Variants in RNF130 observed in about 807,000 individuals in gnomAD.
RNF130 encodes the protein E3 ubiquitin-protein ligase RNF130.
In RNF130, 21 loss-of-function variants were observed where a neutral mutation model predicts 44.6. The ratio of observed to expected loss-of-function variants is 0.47; its 90% CI spans 0.33 to 0.68. RNF130 has a LOEUF of 0.68. RNF130 is among the 30% of genes least tolerant of loss of function. The probability of loss-of-function intolerance (pLI) is 0.02; values close to 1 mark genes in which losing one functional copy is unlikely to be tolerated. For missense variants in RNF130, 479 were observed against 560.6 expected, an observed-to-expected ratio of 0.85 and a Z score of 1.47; for synonymous variants, 214 against 210.4, an observed-to-expected ratio of 1.02 and a Z score of -0.15.
intron 2 of RNF130, among the ~76,000 whole-genome samples, chr5:180,027,290 T>TA (rs1748147630): frequency 6.6e-6 from 1 of 152,150 alleles, no homozygotes; most frequent in Non-Finnish European, 1.5e-5. Context: ...AGCACTGCCC[T>TA]ACAGGGTGAG....
chr5:180,059,708 A>C (rs945757222), intron 1 of RNF130, among the ~76,000 whole-genome samples: 2 of 152,252 alleles, frequency 1.3e-5, no homozygotes, highest in African/African-American at 4.8e-5. Flanking sequence ...CTGACCCATT[A>C]GGGTCCTGCT....
chr5:180,006,242 T>C (rs911718102), intron 3 of RNF130, among the ~76,000 whole-genome samples: 1 of 152,146 alleles, frequency 6.6e-6, no homozygotes, highest in Non-Finnish European at 1.5e-5. Context: ...AATCCTTTTC[T>C]GTAGGACAAA....
At position 179,934,920 on chromosome 5, in the gene RNF130, T is replaced by C. The variant is rs192568457; in HGVS notation, c.1151-14494A>G. On this transcript the variant is annotated intron_variant, in intron 7 of 7. Coordinates refer to the RNF130 transcript ENST00000522208. ...AGGTAAGATCTTTATTTCCTTCCTT[T>C]GATTTAGTTTGTTGTTCTTTGAGAC... is the stretch of plus-strand genomic sequence containing the variant. Among the ~76,000 whole-genome samples the C allele has an allele frequency of 1.3e-3, 196 of 152,308 alleles. 1 individual carries two copies. Among genetic ancestry groups the C allele is most frequent in the African/African-American group, 4.5e-3 (186 of 41,562 alleles).
chr5:180,007,213 CA>C (rs1763479134), intron 3 of RNF130, among the ~76,000 whole-genome samples: 2 of 152,012 alleles, frequency 1.3e-5, no homozygotes, highest in Non-Finnish European at 2.9e-5. Flanking sequence ...CCAGCCTGGC[CA>C]ACATGGTGAA....
chr5:179,962,428 A>C (rs934324989), intron 8 of RNF130, among the ~76,000 whole-genome samples: 1 of 152,216 alleles, frequency 6.6e-6, no homozygotes, highest in African/African-American at 2.4e-5. Flanking sequence ...TGAGGTAATC[A>C]GTTTGGTTAT....
At chr5:180,016,423 C>T (rs17079968) in intron 2 of RNF130, among the ~76,000 whole-genome samples, 19,274 of 152,210 alleles carry the variant, frequency 0.13, 1,402 homozygotes, top group East Asian at 0.27. Context: ...AATAATTAGA[C>T]TGTAACGCTG....
At chr5:179,978,182 A>T (rs1762758911) in intron 5 of RNF130, 21 bp downstream of exon 5, 1 of 1,589,724 alleles carries the variant, frequency 6.3e-7, no homozygotes, top group African/African-American at 1.3e-5. Context: ...ATTCTTTCTC[A>T]AACAAATGAA....
At chr5:180,066,278 T>C (rs920974315) in intron 1 of RNF130, among the ~76,000 whole-genome samples, 2 of 152,234 alleles carry the variant, frequency 1.3e-5, no homozygotes, top group African/African-American at 4.8e-5. Context: ...TTTCCACTTT[T>C]GCATCTTCCT....
At chr5:180,019,587 C>G (rs1763826238) in intron 2 of RNF130, among the ~76,000 whole-genome samples, 1 of 152,190 alleles carries the variant, frequency 6.6e-6, no homozygotes. Context: ...CCACAACTTT[C>G]AGTTCTTCAA....
intron 8 of RNF130, among the ~76,000 whole-genome samples, chr5:179,962,219 C>T (rs559670255): frequency 1.2e-3 from 186 of 152,298 alleles, no homozygotes; most frequent in South Asian, 7.5e-3. Context: ...GGGAATGCCA[C>T]CCGACCCTGA....
At chr5:179,988,569 G>A (rs867262030) in intron 3 of RNF130, among the ~76,000 whole-genome samples, 1 of 152,072 alleles carries the variant, frequency 6.6e-6, no homozygotes, top group African/African-American at 2.4e-5. Flanking sequence ...CACTGCTTTT[G>A]CTGTATCTTG....
At chr5:180,014,880 G>A (rs1763682453) in intron 2 of RNF130, among the ~76,000 whole-genome samples, 1 of 152,156 alleles carries the variant, frequency 6.6e-6, no homozygotes, top group African/African-American at 2.4e-5. Flanking sequence ...CAGATACTCA[G>A]GAGGCTGAGG....
intron 2 of RNF130, among the ~76,000 whole-genome samples, chr5:180,032,544 T>C (rs1561700273): frequency 6.6e-6 from 1 of 152,204 alleles, no homozygotes; most frequent in African/African-American, 2.4e-5. Flanking sequence ...CTTCTTTTTT[T>C]AAATTTGCAT....
chr5:179,983,541 C>T (rs576987471), intron 3 of RNF130, among the ~76,000 whole-genome samples: 25 of 152,168 alleles, frequency 1.6e-4, no homozygotes, highest in Non-Finnish European at 3.5e-4. Context: ...ATTTCTGAGG[C>T]TTTGTAATAG....
intron 1 of RNF130, among the ~76,000 whole-genome samples, chr5:180,058,595 G>T (rs576824678): frequency 6.6e-6 from 1 of 152,066 alleles, no homozygotes; most frequent in Non-Finnish European, 1.5e-5. Context: ...TTGCTGTGTC[G>T]CCCAAGCTGG....
intron 3 of RNF130, among the ~76,000 whole-genome samples, chr5:180,010,391 ACT>A (rs1481215134): frequency 6.6e-6 from 1 of 151,532 alleles, no homozygotes; most frequent in African/African-American, 2.4e-5. Flanking sequence ...ACAGAGTCTC[ACT>A]CTGTCACCCA....
At chr5:179,933,707 G>A (rs555802818) in intron 7 of RNF130, 2 of 324,636 alleles carry the variant, frequency 6.2e-6, no homozygotes, top group Non-Finnish European at 1.2e-5. Flanking sequence ...ACTTTTTGTA[G>A]AGATGGAATT....
rs572475910 is a variant in RNF130 at position 179,944,132 on chromosome 5, T to C, written c.1150+22674A>G. Among the ~76,000 whole-genome samples, 329 of 150,970 alleles carry C rather than the reference T, an allele frequency of 2.2e-3. 1 individual carries two copies. The highest frequency in any genetic ancestry group is 7.8e-3 in the African/African-American group (318 of 40,544). ...GACTACAGGTGCCTGCCACCATGCC[T>C]AGCTTTTTGTATTTTTAGTAGAGAC... On this transcript the variant is annotated intron_variant, in intron 7 of 7. Coordinates refer to the RNF130 transcript ENST00000522208.
In RNF130 at chr5:180,029,104, CTGTT is replaced by C. The variant is rs539940227; in HGVS notation, c.442+11345_442+11348del. On this transcript the variant is annotated intron_variant, in intron 2 of 8. Coordinates refer to ENST00000521389, the MANE Select transcript of RNF130 (RefSeq NM_018434.6). ...TAAGATTCAAATCCCAATCTTGTGA[CTGTT>C]TGACATTTATGCCAAATTCTTTTCT... Among the ~76,000 whole-genome samples the C allele has an allele frequency of 4.0e-4, 61 of 152,294 alleles. 1 individual carries two copies. The South Asian group carries it at 0.012, about 31-fold the overall frequency.
Sources: allele counts gnomAD v4.1 joint callset (sites outside exome capture counted in the v4.1 genomes callset), GRCh38; gene constraint gnomAD v4.1.1; transcripts MANE v1.5; gene names NCBI Gene and HGNC (gene_info 2026-07-23, HGNC 2026-07-21).